Variants in ITGB3 observed in about 807,000 individuals in gnomAD.
ITGB3 encodes integrin subunit beta 3, also known as integrin beta-3.
Under a neutral mutation model 85.8 loss-of-function variants are expected in ITGB3, and 48 were observed. The ratio of observed to expected loss-of-function variants is 0.56; its 90% CI spans 0.44 to 0.71. The LOEUF is 0.71. Ranked by LOEUF, ITGB3 falls within the 30% of genes least tolerant of loss-of-function variation. The pLI, the probability that ITGB3 is intolerant of heterozygous loss-of-function variation, is 0.00. For missense variants in ITGB3, 861 were observed against 1,019.1 expected (o/e 0.84, Z 2.11); for synonymous variants, 363 against 395.6 (o/e 0.92, Z 0.98).
In ITGB3 at chr17:47,253,943, G is replaced by A. The variant is rs2064977547; in HGVS notation, c.79+3G>A. On this transcript the variant is annotated splice_donor_region_variant and intron_variant, in intron 1 of 14. Transcript: ENST00000559488. ...GCTGGCGGGCGTTGGCGTAGGAGGT[G>A]AGTGAGGCTCCGGCTCGGCAGCGTC... 5 of 1,418,432 alleles carry A rather than the reference G, an allele frequency of 3.5e-6. No homozygotes were observed. The highest frequency in any genetic ancestry group is 4.5e-4 in the Middle Eastern group (2 of 4,430). The allele number at this position is 1,418,432 out of a possible 1,614,324, so 87.9% of individuals were successfully genotyped here.
rs747991001 is a variant in ITGB3 at position 47,283,449 on chromosome 17, C to A, written c.261C>A (p.Ala87=). Reference sequence around the variant, plus strand: ...CCATCGAGTTCCCAGTGAGTGAGGCCCGAGTACTAGAGGACAGGCCCCTCA... The same window carrying A: ...CCATCGAGTTCCCAGTGAGTGAGGCACGAGTACTAGAGGACAGGCCCCTCA... ...PESIEFPVSE[A]RVLEDRPLSD... Residue 87 remains alanine (A), a synonymous_variant, in exon 3 of 15, where the codon GCC becomes GCA. Coordinates refer to ENST00000559488, the MANE Select transcript of ITGB3 (RefSeq NM_000212.3). 4 of 1,614,162 alleles carry A rather than the reference C, an allele frequency of 2.5e-6. No homozygotes were observed. The South Asian group carries it at 4.4e-5, about 18-fold the overall frequency.
Position 47,287,102 on chromosome 17 carries a change from C to T in ITGB3, c.810C>T (p.His270=), listed in dbSNP as rs765922492. The change falls in exon 6 of 15, where the codon CAC becomes CAT. Residue 270 remains histidine (H), a synonymous_variant. Transcript: ENST00000559488. The stretch of plus-strand genomic sequence containing the variant: ...TTGGCTGGAGGAATGATGCATCCCA[C>T]TTGCTGGTGTTTACCACTGATGCCA... ...EKIGWRNDAS[H]LLVFTTDAKT... is the part of the protein sequence containing the mutation. 2 of 1,614,010 alleles carry T rather than the reference C, an allele frequency of 1.2e-6. No homozygotes were observed. The highest frequency in any genetic ancestry group is 1.3e-5 in the African/African-American group (1 of 74,932).
intron 1 of ITGB3, among the ~76,000 whole-genome samples, chr17:47,255,381 A>G (rs2064985530): frequency 6.6e-6 from 1 of 152,158 alleles, no homozygotes; most frequent in Non-Finnish European, 1.5e-5. Context: ...CTGTGTATGT[A>G]TAGACGTATA....
chr17:47,289,879 T>G lies in ITGB3; in HGVS notation c.1035+103T>G, dbSNP rs1048092440. ...GATACAGTCCCCAATCAGGAAAGAGTCTCCCCTAATCCACTCCCCAGGAGC... is the reference window on the plus strand; with the variant it reads ...GATACAGTCCCCAATCAGGAAAGAGGCTCCCCTAATCCACTCCCCAGGAGC... On this transcript the variant is annotated intron_variant, in intron 7 of 14. Coordinates refer to ENST00000559488, the MANE Select transcript of ITGB3 (RefSeq NM_000212.3). 4 of 845,130 alleles carry G rather than the reference T, an allele frequency of 4.7e-6. No homozygotes were observed. The Admixed American group carries it at 5.4e-5, about 11-fold the overall frequency. 52.4% of individuals were successfully genotyped at this position (845,130 alleles called of 1,614,324 possible). A position where few individuals can be genotyped will look rare whatever the true frequency, so the allele number is the denominator to read the frequency against.
intron 2 of ITGB3, among the ~76,000 whole-genome samples, chr17:47,282,435 A>G (rs938769013): frequency 6.6e-6 from 1 of 152,082 alleles, no homozygotes; most frequent in African/African-American, 2.4e-5. Flanking sequence ...TTTTGACTCT[A>G]TGATTTTGAT....
chr17:47,300,405 G>C, intron 11 of ITGB3, 73 bp from the exon 12 acceptor site: 1 of 1,037,736 alleles, frequency 9.6e-7, no homozygotes. Context: ...AATGCATGGA[G>C]ATCAGAGCTG....
intron 1 of ITGB3, 35 bp downstream of exon 1, chr17:47,253,975 GC>G (rs1170949524): frequency 7.6e-7 from 1 of 1,313,812 alleles, no homozygotes; most frequent in South Asian, 1.6e-5. Context: ...CGTCGCAGCT[GC>G]CCCAGGATCT....
chr17:47,262,319 C>T (rs989690562), intron 1 of ITGB3, among the ~76,000 whole-genome samples: 20 of 152,184 alleles, frequency 1.3e-4, no homozygotes, highest in African/African-American at 4.8e-4. Flanking sequence ...CACCCCTGGG[C>T]TGAGCCTCGG....
Position 47,291,057 on chromosome 17 carries a change from A to G in ITGB3, c.1229A>G (p.Lys410Arg), listed in dbSNP as rs774476583. ...AACAATGAGGTCATCCCTGGCCTCA[A>G]GTCTTGTATGGGACTCAAGATTGGA... ...CLNNEVIPGLKSCMGLKIGDT... is the reference protein window; with the variant it reads ...CLNNEVIPGLRSCMGLKIGDT... The change falls in exon 9 of 15, where the codon AAG becomes AGG. Residue 410 changes from lysine to arginine, a missense_variant. By Grantham distance (26) the Lys-to-Arg change is conservative (BLOSUM62 2). Transcript: ENST00000559488. 2 of 1,614,064 alleles carry G rather than the reference A, an allele frequency of 1.2e-6. No individual in the cohort carries two copies. Among genetic ancestry groups the G allele is most frequent in the Non-Finnish European group, 1.7e-6 (2 of 1,180,034 alleles).
chr17:47,277,095 T>C (rs533490527), intron 2 of ITGB3, among the ~76,000 whole-genome samples: 1 of 152,188 alleles, frequency 6.6e-6, no homozygotes, highest in African/African-American at 2.4e-5. Context: ...CCCATCTGCA[T>C]AGGGTGTGTT....
Position 47,292,105 on chromosome 17 carries a change from A to G in ITGB3, c.1261-34A>G, listed in dbSNP as rs1312016811. On this transcript the variant is annotated intron_variant, in intron 9 of 14. Coordinates refer to ENST00000559488, the MANE Select transcript of ITGB3 (RefSeq NM_000212.3). ...AGAGCTGGAGTGTTAACTGGGCCCA[A>G]CTGTGTCTAAATACAATCTTTCTTT... 22 of 1,611,432 alleles carry G rather than the reference A, an allele frequency of 1.4e-5. No individual in the cohort carries two copies. The Admixed American group carries it at 2.5e-4, about 18-fold the overall frequency.
chr17:47,288,214 G>T (rs1428146672), intron 6 of ITGB3, among the ~76,000 whole-genome samples: 1 of 127,696 alleles, frequency 7.8e-6, no homozygotes, highest in Non-Finnish European at 1.7e-5. Context: ...GAAAGAGAGA[G>T]AGAGAGAGAG....
At chr17:47,259,800 G>A (rs1328116570) in intron 1 of ITGB3, among the ~76,000 whole-genome samples, 1 of 152,182 alleles carries the variant, frequency 6.6e-6, no homozygotes, top group African/African-American at 2.4e-5. Context: ...TCGGGAGGCT[G>A]AGGCAGGAGA....
Position 47,313,162 on chromosome 17 carries a change from C to CG in ITGB3, c.*2962dup, listed in dbSNP as rs951299128. On this transcript the variant is annotated 3_prime_UTR_variant, in exon 15 of 15. Transcript: ENST00000559488. The stretch of plus-strand genomic sequence containing the variant: ...CTAATTTTTGTATTTTTAGTAGAGA[C>CG]GGGGTTTCACCATGTTGGCCAGGCT... 1.1e-4 allele frequency among the ~76,000 whole-genome samples: 17 copies of CG among 150,440 alleles called. No homozygotes were observed. The highest frequency in any genetic ancestry group is 4.2e-4 in the African/African-American group (17 of 40,866).
rs577702318 is a variant in ITGB3 at position 47,299,602 on chromosome 17, T to C, written c.1913+72T>C. The C allele has an allele frequency of 3.7e-6, 5 of 1,366,768 alleles. No homozygotes were observed. The East Asian group carries it at 7.3e-5, about 20-fold the overall frequency. The allele number at this position is 1,366,768 out of a possible 1,614,324, so 84.7% of individuals were successfully genotyped here. ...GGATCCCCTGACTAGAATCCCCAGC[T>C]CTCCAGGTGTGTTTCTTGCTCACCA... On this transcript the variant is annotated intron_variant, in intron 11 of 14. Transcript: ENST00000559488. This position sits in a 1 kb window ranked among gnomAD's most constrained non-coding sequence, Gnocchi z 5.1.
chr17:47,285,743 C>G (rs1279457336), intron 4 of ITGB3, among the ~76,000 whole-genome samples: 1 of 152,202 alleles, frequency 6.6e-6, no homozygotes, highest in East Asian at 1.9e-4. Flanking sequence ...CAGAAATGCT[C>G]CTGTCTTGCA....
In ITGB3 at chr17:47,312,234, C is replaced by A. The variant is rs886053098; in HGVS notation, c.*2030C>A. 5.3e-5 allele frequency among the ~76,000 whole-genome samples: 8 copies of A among 152,206 alleles called. No homozygotes were observed. The highest frequency in any genetic ancestry group is 2.6e-4 in the Admixed American group (4 of 15,280). ...TTCTTCACTTTGCACACATTTGCAT[C>A]CACATATTAGGGAAGAGGAATCCAT... On this transcript the variant is annotated 3_prime_UTR_variant, in exon 15 of 15. Transcript: ENST00000559488.
At chr17:47,273,368 C>A (rs2065052093) in intron 1 of ITGB3, among the ~76,000 whole-genome samples, 2 of 152,136 alleles carry the variant, frequency 1.3e-5, no homozygotes, top group South Asian at 4.1e-4. Context: ...ACATTCTGCT[C>A]CTTATATTGG....
intron 1 of ITGB3, among the ~76,000 whole-genome samples, chr17:47,266,276 G>C (rs978597788): frequency 5.9e-5 from 9 of 152,100 alleles, no homozygotes; most frequent in African/African-American, 2.2e-4. Context: ...CTCCCTTCTC[G>C]ATAAACACCT....
Sources: gnomAD v4.1 joint callset for allele counts (sites outside exome capture counted in the v4.1 genomes callset) on GRCh38, gnomAD v4.1.1 for gene constraint, Gnocchi (gnomAD v3.1) non-coding constraint, MANE v1.5 for transcripts, NCBI Gene and HGNC (gene_info 2026-07-23, HGNC 2026-07-21) for gene names.